The following MGAM2 variants were observed in gnomAD, a reference collection of about 807,000 sequenced individuals.
The protein encoded by MGAM2 is maltase-glucoamylase 2 (putative).
Under a neutral mutation model 96.1 loss-of-function variants are expected in MGAM2, and 98 were observed. The ratio of observed to expected loss-of-function variants is 1.02; its 90% CI spans 0.87 to 1.21. The LOEUF (loss-of-function observed/expected upper bound fraction) is 1.21. Among genes scored for constraint, MGAM2 ranks in the 50% most tolerant of loss-of-function variants. The probability of loss-of-function intolerance (pLI) is 0.00; values close to 1 mark genes in which losing one functional copy is unlikely to be tolerated. For synonymous variants in MGAM2, 749 were observed against 414.8 expected, an observed-to-expected ratio of 1.81 and a Z score of -9.79; for missense variants, 2,055 against 1,182.4, an observed-to-expected ratio of 1.74 and a Z score of -10.82.
chr7:142,159,338 G>A lies in MGAM2; in HGVS notation c.2215G>A (p.Glu739Lys). The change falls in exon 20 of 48, where the codon GAG becomes AAG. Residue 739 changes from glutamate to lysine, a missense_variant. Coordinates refer to ENST00000477922, the MANE Select transcript of MGAM2 (RefSeq NM_001293626.2). ...ACCTGATGCCACCTGGTATGACTAT[G>A]AGACAGTAAGTAAGGCAGCCCTGGT... Reference protein sequence around the residue: ...YIPDATWYDYETGVAISWRKQ... With the variant: ...YIPDATWYDYKTGVAISWRKQ... 1.4e-6 allele frequency: 1 copy of A among 702,474 alleles called. No individual in the cohort carries two copies. Among genetic ancestry groups the A allele is most frequent in the Non-Finnish European group, 2.6e-6 (1 of 384,592 alleles). 43.5% of individuals were successfully genotyped at this position (702,474 alleles called of 1,614,324 possible).
At chr7:142,188,746 A>G (rs998289564) in intron 36 of MGAM2, among the ~76,000 whole-genome samples, 6 of 152,266 alleles carry the variant, frequency 3.9e-5, no homozygotes, top group Non-Finnish European at 5.9e-5. Flanking sequence ...CACTTTCACT[A>G]TAGTGTTCAA....
chr7:142,159,451 T>G lies in MGAM2; in HGVS notation c.2220+108T>G. The G allele has an allele frequency of 2.5e-5, 16 of 642,896 alleles. No individual in the cohort carries two copies. In the South Asian group the frequency reaches 2.8e-4, roughly 11 times the overall value. The allele number at this position is 642,896 out of a possible 1,614,324, so 39.8% of individuals were successfully genotyped here. A position where few individuals can be genotyped will look rare whatever the true frequency, so the allele number is the denominator to read the frequency against. ...TAGAATAATAGTACAAGATTTATAG[T>G]TAGTTGATTGTGGTCCTTTTTCTGT... On this transcript the variant is annotated intron_variant, in intron 20 of 47. Transcript: ENST00000477922.
intron 28 of MGAM2, among the ~76,000 whole-genome samples, chr7:142,171,648 A>ATCTATC (rs1389612480): frequency 2.1e-5 from 2 of 96,746 alleles, no homozygotes; most frequent in African/African-American, 9.8e-5. Flanking sequence ...ATATATATAT[A>ATCTATC]TATATATCCA....
Position 142,138,736 on chromosome 7 carries a change from A to G in MGAM2, c.1086+69A>G, listed in dbSNP as rs140018970. 4.8e-4 allele frequency: 310 copies of G among 649,278 alleles called. 3 individuals are homozygous for G. Among genetic ancestry groups the G allele is most frequent in the East Asian group, 2.7e-3 (97 of 36,350 alleles). The allele number at this position is 649,278 out of a possible 1,614,324, so 40.2% of individuals were successfully genotyped here. ...ATTTTTATTTTTTGCATTAAATTCA[A>G]TGTATTAGGAAAAATGTAGATAAAT... On this transcript the variant is annotated intron_variant, in intron 10 of 47. Coordinates refer to ENST00000477922, the MANE Select transcript of MGAM2 (RefSeq NM_001293626.2).
rs1038787938 is a variant in MGAM2 at position 142,222,220 on chromosome 7, C to T, written c.*161C>T. 8 of 393,352 alleles carry T rather than the reference C, an allele frequency of 2.0e-5. No individual in the cohort carries two copies. Among genetic ancestry groups the T allele is most frequent in the African/African-American group, 1.4e-4 (7 of 48,494 alleles). 24.4% of individuals were successfully genotyped at this position (393,352 alleles called of 1,614,324 possible). A position where few individuals can be genotyped will look rare whatever the true frequency, so the allele number is the denominator to read the frequency against. ...AAGACACAGCTACTCCAAACACTCT[C>T]GTCATTGCAGACATGTTTAGGAAGG... On this transcript the variant is annotated 3_prime_UTR_variant, in exon 48 of 48. Transcript: ENST00000477922.
chr7:142,218,234 A>G, intron 46 of MGAM2, 127 bp from the exon 47 acceptor site: 1 of 480,782 alleles, frequency 2.1e-6, no homozygotes, highest in Non-Finnish European at 3.6e-6. Flanking sequence ...ATAAAAATTT[A>G]AATACATAAA....
chr7:142,145,917 C>T (rs10215277), intron 14 of MGAM2, among the ~76,000 whole-genome samples: 43,950 of 151,960 alleles, frequency 0.29, 6,761 homozygotes, highest in East Asian at 0.42. Context: ...ATGTTGGGCA[C>T]CCGAACAGTC....
chr7:142,136,451 A>C (rs1795062535), intron 7 of MGAM2, 90 bp from the exon 8 acceptor site: 3 of 491,040 alleles, frequency 6.1e-6, no homozygotes, highest in Non-Finnish European at 1.1e-5. Flanking sequence ...GACCAAGTAT[A>C]TGTTATAGAT....
chr7:142,177,514 C>A (rs1481620085), intron 32 of MGAM2, among the ~76,000 whole-genome samples: 1 of 152,018 alleles, frequency 6.6e-6, no homozygotes, highest in East Asian at 1.9e-4. Flanking sequence ...AACCCTTGCC[C>A]CACTCCCTCC....
chr7:142,177,581 C>T (rs1221037015), intron 32 of MGAM2, among the ~76,000 whole-genome samples: 3 of 152,108 alleles, frequency 2.0e-5, no homozygotes, highest in Admixed American at 1.3e-4. Flanking sequence ...TCTATGTGTA[C>T]CCAGTACTTA....
chr7:142,181,427 C>A (rs1233903412), intron 32 of MGAM2, among the ~76,000 whole-genome samples: 1 of 152,088 alleles, frequency 6.6e-6, no homozygotes, highest in Non-Finnish European at 1.5e-5. Context: ...AGAGTAAGGG[C>A]CAGAAGATAG....
chr7:142,143,309 G>A (rs533679392), intron 12 of MGAM2, among the ~76,000 whole-genome samples: 24 of 152,134 alleles, frequency 1.6e-4, no homozygotes, highest in Admixed American at 4.6e-4. Context: ...AGTAAGAAGC[G>A]CAAACTTCAT....
At chr7:142,167,141 G>A (rs1437969953) in intron 25 of MGAM2, 127 bp from the exon 26 acceptor site, 3 of 575,052 alleles carry the variant, frequency 5.2e-6, no homozygotes, top group East Asian at 5.5e-5. Context: ...CTTTTTTAGG[G>A]GACACAATTC....
chr7:142,136,874 C>T (rs1206068991), intron 8 of MGAM2, among the ~76,000 whole-genome samples: 2 of 151,932 alleles, frequency 1.3e-5, no homozygotes, highest in African/African-American at 4.8e-5. Context: ...TAATGTTTCC[C>T]CTCATAGTCT....
At chr7:142,150,795 A>G (rs147604429) in intron 15 of MGAM2, among the ~76,000 whole-genome samples, 34 of 152,316 alleles carry the variant, frequency 2.2e-4, no homozygotes, top group Non-Finnish European at 3.5e-4. Flanking sequence ...AGCATAACCT[A>G]TAAGGTACTT....
chr7:142,196,678 C>T (rs1797050290), intron 39 of MGAM2, 22 bp from the exon 40 acceptor site: 1 of 773,766 alleles, frequency 1.3e-6, no homozygotes, highest in Non-Finnish European at 2.4e-6. Flanking sequence ...CCACCTCATG[C>T]TCTCATTATG....
chr7:142,208,636 A>T lies in MGAM2; in HGVS notation c.5187+14A>T, dbSNP rs143130286. 6.0e-5 allele frequency: 42 copies of T among 701,620 alleles called. 1 individual carries two copies. The African/African-American group carries it at 6.1e-4, about 10-fold the overall frequency. 43.5% of individuals were successfully genotyped at this position (701,620 alleles called of 1,614,324 possible). A position where few individuals can be genotyped will look rare whatever the true frequency, so the allele number is the denominator to read the frequency against. ...ATAGCAGCTCAGGTAAGACTAATTT[A>T]CTACATTTTACAAATCTTTTCCCAG... On this transcript the variant is annotated intron_variant, in intron 46 of 47. Coordinates refer to ENST00000477922, the MANE Select transcript of MGAM2 (RefSeq NM_001293626.2).
intron 2 of MGAM2, among the ~76,000 whole-genome samples, chr7:142,117,906 A>T (rs1817469399): frequency 6.6e-6 from 1 of 151,248 alleles, no homozygotes; most frequent in Admixed American, 6.6e-5. Context: ...ATTCTGATTT[A>T]TGCAGAGTAG....
chr7:142,213,483 G>C (rs1797657135), intron 46 of MGAM2, among the ~76,000 whole-genome samples: 1 of 152,056 alleles, frequency 6.6e-6, no homozygotes, highest in Non-Finnish European at 1.5e-5. Context: ...AAAAATGGTA[G>C]AGAGGAGATC....
Sources: gnomAD v4.1 joint callset for allele counts (sites outside exome capture counted in the v4.1 genomes callset) on GRCh38, gnomAD v4.1.1 for gene constraint, MANE v1.5 for transcripts, NCBI Gene and HGNC (gene_info 2026-07-23, HGNC 2026-07-21) for gene names.